Variants in SP140 observed in about 807,000 individuals in gnomAD.
SP140 encodes SP140 nuclear body protein.
In SP140, 81 loss-of-function variants were observed where a neutral mutation model predicts 125.0. That is an observed-to-expected ratio of 0.65 (90% CI 0.54 to 0.78). The LOEUF is 0.78. Ranked by LOEUF, SP140 falls within the 30% of genes least tolerant of loss-of-function variation. SP140 has a pLI of 0.00. For missense variants in SP140, 858 were observed against 1,037.0 expected (o/e 0.83, Z 2.37); for synonymous variants, 312 against 354.0 (o/e 0.88, Z 1.33).
At chr2:230,300,234 G>C (rs1160238344) in intron 22 of SP140, among the ~76,000 whole-genome samples, 1 of 152,182 alleles carries the variant, frequency 6.6e-6, no homozygotes, top group East Asian at 1.9e-4. Flanking sequence ...GAACCACCTT[G>C]CTCCAGGAAG....
At position 230,265,730 on chromosome 2, in the gene SP140, G is replaced by C. The variant is rs4447597; in HGVS notation, c.1241-3802G>C. 5.0e-4 allele frequency among the ~76,000 whole-genome samples: 76 copies of C among 152,042 alleles called. 1 individual carries two copies. The highest frequency in any genetic ancestry group is 4.8e-3 in the Admixed American group (73 of 15,274). On this transcript the variant is annotated intron_variant, in intron 12 of 26. Coordinates refer to ENST00000392045, the MANE Select transcript of SP140 (RefSeq NM_007237.5). ...CCTTCAGCTTCTCCAGTGGGGGTGT[G>C]TGTTCGGGAGAGGAGGGTCTCCTTT...
chr2:230,211,542 T>C lies in SP140; in HGVS notation c.-322-2112T>C. On this transcript the variant is annotated intron_variant, in intron 1 of 4. Transcript: ENST00000456542. The surrounding 1 kb of genome is among the most constrained non-coding windows in gnomAD (Gnocchi z 4.2). ...TTATCTCTTATTTGGGGGATCAGGT[T>C]GTCACTGGCCACTGAATGGAGGAAG... The C allele has an allele frequency of 6.2e-7, 1 of 1,606,038 alleles. No individual in the cohort carries two copies. The highest frequency in any genetic ancestry group is 8.5e-7 in the Non-Finnish European group (1 of 1,172,652).
At chr2:230,229,211 T>C (rs1284439967) in intron 1 of SP140, among the ~76,000 whole-genome samples, 1 of 151,854 alleles carries the variant, frequency 6.6e-6, no homozygotes, top group Non-Finnish European at 1.5e-5. Flanking sequence ...CATTGTGAAA[T>C]GACTGACAAT....
chr2:230,209,953 G>T, intron 1 of SP140: 1 of 1,607,660 alleles, frequency 6.2e-7, no homozygotes. Flanking sequence ...AAGGTGTGCT[G>T]GACACCTCCT....
the SP140 span, among the ~76,000 whole-genome samples, chr2:230,196,026 T>G: frequency 9.8e-5 from 15 of 152,292 alleles, no homozygotes; most frequent in African/African-American, 3.4e-4. Context: ...AGAAACTCAT[T>G]GTTTGGATGT....
chr2:230,294,382 T>G, intron 21 of SP140, 64 bp downstream of exon 21: 6 of 1,246,724 alleles, frequency 4.8e-6, no homozygotes, highest in Non-Finnish European at 7.0e-6. Context: ...CACAAAATCT[T>G]ATTTTATGGG....
At chr2:230,189,485 T>C in the SP140 span, among the ~76,000 whole-genome samples, 1 of 152,338 alleles carries the variant, frequency 6.6e-6, no homozygotes, top group South Asian at 2.1e-4. Context: ...ATTTATTTGT[T>C]ATGGTTTTGA....
Position 230,267,408 on chromosome 2 carries a change from A to G in SP140, c.1241-2124A>G, listed in dbSNP as rs182941706. 3.9e-5 allele frequency among the ~76,000 whole-genome samples: 6 copies of G among 152,352 alleles called. No individual in the cohort carries two copies. The East Asian group carries it at 1.2e-3, about 29-fold the overall frequency. ...TGCAGAATAGATCCCTACCTATTAC[A>G]TTTATAGAGGTTTTGTTGAAAACAG... On this transcript the variant is annotated intron_variant, in intron 12 of 26. Transcript: ENST00000392045.
intron 10 of SP140, among the ~76,000 whole-genome samples, chr2:230,251,327 G>A (rs1032828069): frequency 3.3e-5 from 5 of 152,112 alleles, no homozygotes; most frequent in Non-Finnish European, 5.9e-5. Flanking sequence ...TTATGTCAAG[G>A]CAAGGCAATG....
At chr2:230,283,445 C>T (rs773811623) in intron 15 of SP140, among the ~76,000 whole-genome samples, 7 of 152,170 alleles carry the variant, frequency 4.6e-5, no homozygotes, top group African/African-American at 7.2e-5. Context: ...AATCCCTAGG[C>T]ACTTTGAAGG....
At chr2:230,216,732 G>A (rs200249548) in intron 3 of SP140, 3 of 1,605,940 alleles carry the variant, frequency 1.9e-6, no homozygotes, top group Non-Finnish European at 2.6e-6. Context: ...TAATAATCAG[G>A]CATATTGGTG....
chr2:230,251,968 G>A (rs2050440672), intron 10 of SP140, among the ~76,000 whole-genome samples: 1 of 152,100 alleles, frequency 6.6e-6, no homozygotes, highest in Non-Finnish European at 1.5e-5. Context: ...TCAGTTCTGT[G>A]AGGCGGGCAT....
Position 230,270,089 on chromosome 2 carries a change from G to T in SP140, c.1444+136G>T, listed in dbSNP as rs72988293. The T allele has an allele frequency of 4.5e-3, 2,917 of 643,182 alleles. 9 individuals are homozygous for T. The highest frequency in any genetic ancestry group is 6.8e-3 in the Non-Finnish European group (2,412 of 355,082). The allele number at this position is 643,182 out of a possible 1,614,324, so 39.8% of individuals were successfully genotyped here. A position where few individuals can be genotyped will look rare whatever the true frequency, so the allele number is the denominator to read the frequency against. ...GCTTGACCTGAGCCTTTGGGGAGCT[G>T]CAGGGAGGCAAGAGATCGTTATAAA... is the stretch of plus-strand genomic sequence containing the variant. On this transcript the variant is annotated intron_variant, in intron 14 of 26. Transcript: ENST00000392045.
intron 1 of SP140, among the ~76,000 whole-genome samples, 184 bp from the exon 2 acceptor site, chr2:230,236,899 C>A (rs1245052538): frequency 6.6e-6 from 1 of 152,170 alleles, no homozygotes; most frequent in East Asian, 1.9e-4. Flanking sequence ...TCACTGTTTT[C>A]ATCTTTTCCA....
At chr2:230,274,837 C>T (rs756345047) in intron 15 of SP140, among the ~76,000 whole-genome samples, 35 of 151,442 alleles carry the variant, frequency 2.3e-4, no homozygotes, top group Admixed American at 1.5e-3. Flanking sequence ...TTTTTCTATG[C>T]TTTGTTAGCA....
chr2:230,297,544 G>T, intron 22 of SP140, 82 bp downstream of exon 22: 1 of 1,504,906 alleles, frequency 6.6e-7, no homozygotes, highest in Non-Finnish European at 9.2e-7. Context: ...GACTGCTGTT[G>T]CCTGAATCAT....
intron 3 of SP140, among the ~76,000 whole-genome samples, chr2:230,220,451 T>C (rs936210136): frequency 1.3e-5 from 2 of 152,084 alleles, no homozygotes; most frequent in Non-Finnish European, 2.9e-5. Context: ...TGCCTAGAAC[T>C]TGTCAGGATA....
At chr2:230,194,148 G>T in the SP140 span, among the ~76,000 whole-genome samples, 1 of 152,096 alleles carries the variant, frequency 6.6e-6, no homozygotes, top group South Asian at 2.1e-4. Flanking sequence ...AGAAAAATTA[G>T]AGGGCTTTCC....
At chr2:230,200,188 G>T (rs1029447633), upstream of SP140, among the ~76,000 whole-genome samples, 1 of 152,106 alleles carries the variant, frequency 6.6e-6, no homozygotes, top group African/African-American at 2.4e-5. Flanking sequence ...GATATTTGTT[G>T]TTTGAAAATC....
Sources: gnomAD v4.1 joint callset for allele counts (sites outside exome capture counted in the v4.1 genomes callset) on GRCh38, gnomAD v4.1.1 for gene constraint, Gnocchi (gnomAD v3.1) non-coding constraint, MANE v1.5 for transcripts, NCBI Gene and HGNC (gene_info 2026-07-23, HGNC 2026-07-21) for gene names.